The following RPRD1B variants were observed in gnomAD, a reference collection of about 807,000 sequenced individuals.
RPRD1B encodes regulation of nuclear pre-mRNA domain-containing protein 1B.
RPRD1B carries 11 observed loss-of-function variants against 41.5 expected under a neutral mutation model. The ratio of observed to expected loss-of-function variants is 0.27; its 90% CI spans 0.17 to 0.44. The LOEUF (loss-of-function observed/expected upper bound fraction) is 0.44. RPRD1B is among the 20% of genes least tolerant of loss of function. RPRD1B has a pLI of 1.00. For missense variants in RPRD1B, 248 were observed against 389.9 expected (o/e 0.64, Z 3.06); for synonymous variants, 158 against 155.6 (o/e 1.02, Z -0.12).
intron 5 of RPRD1B, among the ~76,000 whole-genome samples, chr20:38,062,247 T>C (rs1348522663): frequency 6.6e-6 from 1 of 152,224 alleles, no homozygotes; most frequent in Non-Finnish European, 1.5e-5. Context: ...TCAGCCTCCT[T>C]GCTGGTTTCT....
At chr20:38,064,055 A>G (rs1338169120) in intron 5 of RPRD1B, among the ~76,000 whole-genome samples, 1 of 152,220 alleles carries the variant, frequency 6.6e-6, no homozygotes, top group African/African-American at 2.4e-5. Flanking sequence ...AAAAACGATC[A>G]GTCAAGCAAT....
chr20:38,037,106 A>C (rs574275797), intron 1 of RPRD1B, among the ~76,000 whole-genome samples: 102 of 152,342 alleles, frequency 6.7e-4, no homozygotes, highest in African/African-American at 1.3e-3. Context: ...TGAGATGCTC[A>C]CAGACTGTCT....
intron 6 of RPRD1B, among the ~76,000 whole-genome samples, chr20:38,077,672 TC>T (rs2074476848): frequency 1.3e-5 from 2 of 152,150 alleles, no homozygotes. Flanking sequence ...CGTCTTTGTC[TC>T]CACTTCCATC....
chr20:38,070,405 AG>A, intron 6 of RPRD1B: 1 of 985,488 alleles, frequency 1.0e-6, no homozygotes, highest in African/African-American at 1.7e-5. Context: ...GAGAATGTGG[AG>A]GGTATAGAAG....
chr20:38,048,459 C>G lies in RPRD1B; in HGVS notation c.393C>G (p.Asp131Glu), dbSNP rs776279789. The change falls in exon 3 of 7, where the codon GAC becomes GAG. Residue 131 changes from aspartate to glutamate, a missense_variant. Physicochemically the swap from Asp to Glu is conservative, Grantham distance 45 (BLOSUM62 2). Around this residue, in one of 5 missense-constraint regions of RPRD1B, gnomAD observed 94 missense variants for 82.3 expected, o/e 1.14. Coordinates refer to ENST00000373433, the MANE Select transcript of RPRD1B (RefSeq NM_021215.4). ...FIQQLKLSME[D>E]SKSPPPKATE... The stretch of plus-strand genomic sequence containing the variant: ...AGCAGCTGAAGCTGTCTATGGAGGA[C>G]TCCAAGAGCCCTCCCCCCAAAGGTA... 1 of 1,608,812 alleles carries G rather than the reference C, an allele frequency of 6.2e-7. No homozygotes were observed. The highest frequency in any genetic ancestry group is 1.3e-5 in the African/African-American group (1 of 74,992).
Position 38,089,961 on chromosome 20 carries a change from T to G in RPRD1B, c.*86T>G. 1 of 1,531,834 alleles carries G rather than the reference T, an allele frequency of 6.5e-7. No individual in the cohort carries two copies. The highest frequency in any genetic ancestry group is 1.3e-5 in the South Asian group (1 of 77,482). 94.9% of individuals were successfully genotyped at this position (1,531,834 alleles called of 1,614,324 possible). A position where few individuals can be genotyped will look rare whatever the true frequency, so the allele number is the denominator to read the frequency against. ...TTGGAAATAACCTTCTAGCCCCTGGTTCTATCCCTTCTTCCGCCCAGCCCC... is the reference window on the plus strand; with the variant it reads ...TTGGAAATAACCTTCTAGCCCCTGGGTCTATCCCTTCTTCCGCCCAGCCCC... On this transcript the variant is annotated 3_prime_UTR_variant, in exon 7 of 7. Coordinates refer to ENST00000373433, the MANE Select transcript of RPRD1B (RefSeq NM_021215.4).
chr20:38,046,050 C>T (rs531323582), intron 2 of RPRD1B, among the ~76,000 whole-genome samples: 1 of 152,324 alleles, frequency 6.6e-6, no homozygotes, highest in South Asian at 2.1e-4. Flanking sequence ...TTCCCTTTGC[C>T]TTGTTCAATT....
chr20:38,034,814 T>C (rs571243068), intron 1 of RPRD1B, among the ~76,000 whole-genome samples: 12 of 152,346 alleles, frequency 7.9e-5, no homozygotes, highest in Admixed American at 4.6e-4. Context: ...CATTCTGTTA[T>C]GTGCCAGGCA....
intron 6 of RPRD1B, chr20:38,070,077 A>T (rs750810959): frequency 2.4e-5 from 10 of 410,054 alleles, no homozygotes; most frequent in Non-Finnish European, 3.0e-5. Flanking sequence ...GTTGTAAAGA[A>T]TATGTTAGTA....
chr20:38,034,380 A>T (rs1222908444), intron 1 of RPRD1B, among the ~76,000 whole-genome samples: 3 of 152,018 alleles, frequency 2.0e-5, no homozygotes, highest in Non-Finnish European at 4.4e-5. Context: ...TGTGGCTGTT[A>T]TTATCTCGGC....
intron 4 of RPRD1B, among the ~76,000 whole-genome samples, chr20:38,057,995 T>C (rs528246749): frequency 6.6e-6 from 1 of 152,358 alleles, no homozygotes; most frequent in East Asian, 1.9e-4. Context: ...AGTAGCATGG[T>C]AGTTTTATAA....
intron 6 of RPRD1B, among the ~76,000 whole-genome samples, chr20:38,069,589 G>A (rs2074391407): frequency 6.6e-6 from 1 of 152,180 alleles, no homozygotes; most frequent in Non-Finnish European, 1.5e-5. Context: ...AAGAAGCTAC[G>A]TATTCATTCA....
intron 1 of RPRD1B, among the ~76,000 whole-genome samples, chr20:38,034,430 G>T (rs1490760435): frequency 6.6e-6 from 1 of 152,200 alleles, no homozygotes; most frequent in East Asian, 1.9e-4. Context: ...GTCGGGCCCA[G>T]TGCTGGGTAT....
At chr20:38,080,035 G>A (rs936392402) in intron 6 of RPRD1B, among the ~76,000 whole-genome samples, 2 of 152,106 alleles carry the variant, frequency 1.3e-5, no homozygotes, top group Non-Finnish European at 2.9e-5. Context: ...AAAAGTGTCA[G>A]TTTGTGTCCT....
At chr20:38,088,299 C>T (rs1280960333) in intron 6 of RPRD1B, among the ~76,000 whole-genome samples, 1 of 152,204 alleles carries the variant, frequency 6.6e-6, no homozygotes. Context: ...TACTTTCTGC[C>T]TCTTCAGGTG....
intron 1 of RPRD1B, among the ~76,000 whole-genome samples, chr20:38,035,230 G>A (rs1169539064): frequency 2.6e-5 from 4 of 152,190 alleles, no homozygotes; most frequent in African/African-American, 7.2e-5. Flanking sequence ...TTACAGTCTG[G>A]TGGGGAAAGA....
In RPRD1B at chr20:38,057,644, G is replaced by GGTA; in HGVS notation, c.528+2_528+4dup. 1 of 1,606,702 alleles carries GGTA rather than the reference G, an allele frequency of 6.2e-7. No homozygotes were observed. ...AGGATCCTTCTGCAGGACCCCTCTT[G>GGTA]GTAGGTCTTGACCCCCAGAGAGTAG... On this transcript the variant is annotated inframe_insertion and splice_region_variant. Coordinates refer to ENST00000373433, the MANE Select transcript of RPRD1B (RefSeq NM_021215.4).
At chr20:38,078,004 C>T (rs114797702) in intron 6 of RPRD1B, among the ~76,000 whole-genome samples, 1,597 of 151,942 alleles carry the variant, frequency 0.011, 27 homozygotes, top group African/African-American at 0.037. Context: ...GGCAAAACCC[C>T]GTCTCTATCA....
chr20:38,077,326 C>T (rs2074472597), intron 6 of RPRD1B, among the ~76,000 whole-genome samples: 1 of 152,138 alleles, frequency 6.6e-6, no homozygotes, highest in African/African-American at 2.4e-5. Flanking sequence ...GTACTTCAGA[C>T]TCATGTATCT....
Sources: gnomAD v4.1 joint callset for allele counts (sites outside exome capture counted in the v4.1 genomes callset) on GRCh38, gnomAD v4.1.1 for gene constraint, gnomAD v4.1.1 regional missense constraint, MANE v1.5 for transcripts, NCBI Gene and HGNC (gene_info 2026-07-23, HGNC 2026-07-21) for gene names.